The following HIVEP3 variants were observed in gnomAD, a reference collection of about 807,000 sequenced individuals.
The protein encoded by HIVEP3 is HIVEP zinc finger 3, also known as transcription factor HIVEP3.
A neutral mutation model predicts 152.8 loss-of-function variants in HIVEP3; 49 were observed. The observed-to-expected ratio is 0.32, with a 90% CI of 0.26 to 0.41. HIVEP3 has a LOEUF of 0.41. Ranked by LOEUF, HIVEP3 falls within the 10% of genes least tolerant of loss-of-function variation. The pLI is 1.00. For synonymous variants in HIVEP3, 1,269 were observed against 1,289.0 expected (o/e 0.98, Z 0.33); for missense variants, 2,790 against 3,103.3 (o/e 0.90, Z 2.40).
At chr1:41,843,459 G>T (rs1255306297) in intron 1 of HIVEP3, among the ~76,000 whole-genome samples, 1 of 152,014 alleles carries the variant, frequency 6.6e-6, no homozygotes, top group African/African-American at 2.4e-5. Flanking sequence ...TATTTCCTCC[G>T]CAATGCTTAG....
At chr1:41,638,952 G>A (rs1171346324) in intron 2 of HIVEP3, among the ~76,000 whole-genome samples, 1 of 152,186 alleles carries the variant, frequency 6.6e-6, no homozygotes, top group African/African-American at 2.4e-5. Context: ...CTCTGGCACT[G>A]GGCCTCACAC....
At chr1:41,809,974 C>G (rs1292189788) in intron 1 of HIVEP3, among the ~76,000 whole-genome samples, 1 of 152,168 alleles carries the variant, frequency 6.6e-6, no homozygotes, top group Non-Finnish European at 1.5e-5. Flanking sequence ...ATGAAGAGAA[C>G]AGTGTACATG....
At chr1:41,528,825 C>G (rs1400803522) in intron 5 of HIVEP3, among the ~76,000 whole-genome samples, 3 of 132,918 alleles carry the variant, frequency 2.3e-5, no homozygotes, top group Non-Finnish European at 3.2e-5. Context: ...ACCTTGCCTT[C>G]ACACTTTCAC....
At chr1:41,552,815 A>G (rs1643910651) in intron 5 of HIVEP3, among the ~76,000 whole-genome samples, 1 of 152,176 alleles carries the variant, frequency 6.6e-6, no homozygotes, top group Non-Finnish European at 1.5e-5. Flanking sequence ...TCATTGAGTG[A>G]GTTTCTTAAT....
At chr1:41,971,383 A>C (rs999568188) in intron 1 of HIVEP3, among the ~76,000 whole-genome samples, 1 of 152,200 alleles carries the variant, frequency 6.6e-6, no homozygotes, top group Non-Finnish European at 1.5e-5. Flanking sequence ...TGCCCTTTGC[A>C]ATCTGATCAC....
In HIVEP3 at chr1:41,942,348, A is replaced by C. The variant is rs1045356867; in HGVS notation, n.120-23824T>G. 2.6e-5 allele frequency among the ~76,000 whole-genome samples: 4 copies of C among 152,196 alleles called. No individual in the cohort carries two copies. In the East Asian group the frequency reaches 7.7e-4, roughly 29 times the overall value. ...ACTGGCCTCCACATTTAAAGTTGTTAAGGCCTACTGATTTATCCCTAAAAT... is the reference window on the plus strand; with the variant it reads ...ACTGGCCTCCACATTTAAAGTTGTTCAGGCCTACTGATTTATCCCTAAAAT... On this transcript the variant is annotated intron_variant and non_coding_transcript_variant, in intron 1 of 3. Coordinates refer to the HIVEP3 transcript ENST00000489103.
At chr1:41,953,891 C>T (rs1055720167) in intron 1 of HIVEP3, among the ~76,000 whole-genome samples, 18 of 152,122 alleles carry the variant, frequency 1.2e-4, no homozygotes, top group African/African-American at 3.9e-4. Flanking sequence ...ATCACAGTAC[C>T]CAAGGCTGCA....
intron 3 of HIVEP3, among the ~76,000 whole-genome samples, chr1:41,626,009 C>T (rs189094877): frequency 2.6e-5 from 4 of 152,360 alleles, no homozygotes; most frequent in Non-Finnish European, 4.4e-5. Context: ...GCTTCCATAT[C>T]CATTTTCAAA....
chr1:41,831,182 G>T (rs563607844), intron 1 of HIVEP3, among the ~76,000 whole-genome samples: 71 of 152,240 alleles, frequency 4.7e-4, no homozygotes, highest in Middle Eastern at 3.4e-3. Flanking sequence ...AAGCTCCTAA[G>T]AAATATTTAT....
At chr1:41,691,286 T>A (rs1043118568) in intron 2 of HIVEP3, among the ~76,000 whole-genome samples, 2 of 152,228 alleles carry the variant, frequency 1.3e-5, no homozygotes, top group African/African-American at 4.8e-5. Context: ...GATCATATCA[T>A]ATGTACCTAC....
chr1:41,615,488 C>T (rs1459241311), intron 3 of HIVEP3, among the ~76,000 whole-genome samples: 2 of 152,110 alleles, frequency 1.3e-5, no homozygotes, highest in Non-Finnish European at 2.9e-5. Context: ...GATGCTGGGC[C>T]CAAGGAAGAG....
intron 1 of HIVEP3, among the ~76,000 whole-genome samples, chr1:41,708,803 A>C (rs943470781): frequency 6.6e-6 from 1 of 152,226 alleles, no homozygotes; most frequent in African/African-American, 2.4e-5. Flanking sequence ...GCAAACAAGA[A>C]AACTTCAAGT....
At chr1:41,743,642 C>T (rs1052887518) in intron 1 of HIVEP3, among the ~76,000 whole-genome samples, 2 of 152,152 alleles carry the variant, frequency 1.3e-5, no homozygotes, top group Admixed American at 1.3e-4. Context: ...CTCAGGGACT[C>T]GTCATTTGTC....
intron 1 of HIVEP3, among the ~76,000 whole-genome samples, chr1:41,916,996 C>A (rs1472308360): frequency 1.3e-5 from 2 of 152,182 alleles, no homozygotes; most frequent in Non-Finnish European, 2.9e-5. Context: ...AACACTGACC[C>A]AGAGCTAATA....
chr1:41,679,513 C>T (rs906783662), intron 2 of HIVEP3, among the ~76,000 whole-genome samples: 5 of 152,218 alleles, frequency 3.3e-5, no homozygotes, highest in Admixed American at 3.3e-4. Flanking sequence ...ACTCAGTGGT[C>T]CAGAGACCAG....
intron 1 of HIVEP3, among the ~76,000 whole-genome samples, chr1:41,834,757 T>C (rs1402070288): frequency 6.6e-6 from 1 of 152,044 alleles, no homozygotes; most frequent in Non-Finnish European, 1.5e-5. Flanking sequence ...AAAGACACAA[T>C]ACAGTATCAG....
intron 1 of HIVEP3, among the ~76,000 whole-genome samples, chr1:41,829,648 A>G (rs969537972): frequency 2.5e-4 from 38 of 152,060 alleles, no homozygotes; most frequent in African/African-American, 8.2e-4. Flanking sequence ...GACAGAAGCA[A>G]GCACATACAA....
At position 41,673,599 on chromosome 1, in the gene HIVEP3, G is replaced by A. The variant is rs538229651; in HGVS notation, c.-721+27317C>T. Among the ~76,000 whole-genome samples, 44 of 152,170 alleles carry A rather than the reference G, an allele frequency of 2.9e-4. No individual in the cohort carries two copies. The South Asian group carries it at 7.5e-3, about 26-fold the overall frequency. ...TCACTGCTTGAAACAAACCAAAACC[G>A]CGAGCCTGAGTCCAATTTCTTGAAC... On this transcript the variant is annotated intron_variant, in intron 2 of 8. Coordinates refer to ENST00000372583, the MANE Select transcript of HIVEP3 (RefSeq NM_024503.5).
chr1:41,877,626 T>G (rs1433437419), intron 1 of HIVEP3, among the ~76,000 whole-genome samples: 1 of 152,012 alleles, frequency 6.6e-6, no homozygotes, highest in Admixed American at 6.5e-5. Context: ...ATCCCAAATA[T>G]GCAATTACCT....
Sources: allele counts gnomAD v4.1 joint callset (sites outside exome capture counted in the v4.1 genomes callset), GRCh38; gene constraint gnomAD v4.1.1; transcripts MANE v1.5; gene names NCBI Gene and HGNC (gene_info 2026-07-23, HGNC 2026-07-21).